CKAP5: variants seen among roughly 807,000 people sequenced by gnomAD.
CKAP5 encodes the protein cytoskeleton-associated protein 5.
A neutral mutation model predicts 232.8 loss-of-function variants in CKAP5; 27 were observed. That is an observed-to-expected ratio of 0.12 (90% CI 0.09 to 0.16). CKAP5 has a LOEUF of 0.16. CKAP5 is among the 10% of genes least tolerant of loss of function. The pLI is 1.00. For missense variants in CKAP5, 1,838 were observed against 2,424.7 expected (o/e 0.76, Z 5.08); for synonymous variants, 785 against 841.1 (o/e 0.93, Z 1.16).
chr11:46,761,830 A>G (rs1038037947), intron 32 of CKAP5, among the ~76,000 whole-genome samples, 170 bp downstream of exon 32: 2 of 152,220 alleles, frequency 1.3e-5, no homozygotes, highest in Admixed American at 1.3e-4. Flanking sequence ...AAAACAGCCT[A>G]ATCAGAGACA....
intron 3 of CKAP5, among the ~76,000 whole-genome samples, chr11:46,817,569 G>T (rs763867263): frequency 6.6e-6 from 1 of 152,172 alleles, no homozygotes; most frequent in East Asian, 1.9e-4. Context: ...GAAACCCAGT[G>T]ATGCCAGTTA....
chr11:46,753,099 G>A, intron 37 of CKAP5: 1 of 471,034 alleles, frequency 2.1e-6, no homozygotes, highest in South Asian at 4.6e-5. Flanking sequence ...TTTGGTCCAT[G>A]ATGAAGAAGA....
intron 28 of CKAP5, among the ~76,000 whole-genome samples, chr11:46,764,035 AAT>A (rs2134594512): frequency 6.6e-6 from 1 of 152,266 alleles, no homozygotes; most frequent in Non-Finnish European, 1.5e-5. Context: ...ATGAAGTCTC[AAT>A]ATGTTGTCCA....
At chr11:46,797,093 CTT>C (rs1938894924) in intron 11 of CKAP5, among the ~76,000 whole-genome samples, 153 bp from the exon 12 acceptor site, 1 of 152,142 alleles carries the variant, frequency 6.6e-6, no homozygotes, top group African/African-American at 2.4e-5. Context: ...GACAGTTACT[CTT>C]TCAAAAATTC....
At position 46,795,608 on chromosome 11, in the gene CKAP5, C is replaced by A; in HGVS notation, c.1636G>T (p.Ala546Ser). The change falls in exon 13 of 44, where the codon GCA becomes TCA. Residue 546 changes from alanine to serine, a missense_variant. Ala to Ser is a moderately conservative substitution (Grantham distance 99). Coordinates refer to ENST00000529230, the MANE Select transcript of CKAP5 (RefSeq NM_001008938.4). ...AATCTATTAACCTTAGCAGCAGGTGCCTTTTTTAGAGGTCCTGGTTTGGGT... is the reference window on the plus strand; with the variant it reads ...AATCTATTAACCTTAGCAGCAGGTGACTTTTTTAGAGGTCCTGGTTTGGGT... ...SAPKPGPLKK[A>S]PAAKAGGPPK... 1 of 1,612,868 alleles carries A rather than the reference C, an allele frequency of 6.2e-7. No individual in the cohort carries two copies. Among genetic ancestry groups the A allele is most frequent in the South Asian group, 1.1e-5 (1 of 90,916 alleles).
In CKAP5 at chr11:46,751,138, C is replaced by G; in HGVS notation, c.5440G>C (p.Glu1814Gln). 1.2e-6 allele frequency: 2 copies of G among 1,614,172 alleles called. No individual in the cohort carries two copies. Among genetic ancestry groups the G allele is most frequent in the South Asian group, 2.2e-5 (2 of 91,086 alleles). Reference protein sequence around the residue: ...QTGSKSDKETEKGASRIDEKS... With the variant: ...QTGSKSDKETQKGASRIDEKS... ...CTCACTATTCGAGATGCTCCCTTTT[C>G]TGTTTCCTTATCAGACTTGCTCCCA... The change falls in exon 40 of 44, where the codon GAA (glutamate) becomes CAA (glutamine). Residue 1814 changes from glutamate to glutamine, a missense_variant. Glu to Gln is a conservative substitution (Grantham distance 29). Transcript: ENST00000529230.
In CKAP5 at chr11:46,743,764, ACTGAGCAGAGAG is replaced by A. The variant is rs1250128948; in HGVS notation, c.*247_*258del. 2.1e-6 allele frequency: 1 copy of A among 483,286 alleles called. No individual in the cohort carries two copies. The highest frequency in any genetic ancestry group is 1.9e-5 in the African/African-American group (1 of 52,114). 29.9% of individuals were successfully genotyped at this position (483,286 alleles called of 1,614,324 possible). A position where few individuals can be genotyped will look rare whatever the true frequency, so the allele number is the denominator to read the frequency against. On this transcript the variant is annotated 3_prime_UTR_variant, in exon 44 of 44. Transcript: ENST00000529230. The stretch of plus-strand genomic sequence containing the variant: ...GAAAAGAAAAGGATCTGGGAACTAG[ACTGAGCAGAGAG>A]GGGGCAGCTGTTTACAAGTCTGTAC...
chr11:46,804,000 G>A (rs1939096203), intron 8 of CKAP5, among the ~76,000 whole-genome samples: 1 of 152,120 alleles, frequency 6.6e-6, no homozygotes, highest in Non-Finnish European at 1.5e-5. Context: ...CAATGAATCT[G>A]GGATGAAATT....
At position 46,770,056 on chromosome 11, in the gene CKAP5, T is replaced by C. The variant is rs1302853163; in HGVS notation, c.3229A>G (p.Lys1077Glu). The change falls in exon 26 of 44, where the codon AAA (lysine) becomes GAA (glutamate). Residue 1077 changes from lysine to glutamate, a missense_variant. Lys to Glu is a moderately conservative substitution (Grantham distance 56). This residue lies in a region of CKAP5 where 767 missense variants were observed against 954.6 expected (regional missense o/e 0.80). Transcript: ENST00000529230. ...GCAGGCTTGGCTGGCATGTTAACTT[T>C]GGCTTTCTCTAGCATGGCCAATACC... Reference protein sequence around the residue: ...DQVLAMLEKAKVNMPAKPAPP... With the variant: ...DQVLAMLEKAEVNMPAKPAPP... 6.2e-7 allele frequency: 1 copy of C among 1,614,158 alleles called. No homozygotes were observed. The highest frequency in any genetic ancestry group is 2.2e-5 in the East Asian group (1 of 44,888).
chr11:46,826,807 A>G, intron 1 of CKAP5: 1 of 154,894 alleles, frequency 6.5e-6, no homozygotes, highest in Non-Finnish European at 1.4e-5. Flanking sequence ...TCCGAGCAGG[A>G]TCAGCAGGAA....
chr11:46,747,353 G>A (rs1209268099), intron 42 of CKAP5, among the ~76,000 whole-genome samples: 2 of 152,158 alleles, frequency 1.3e-5, no homozygotes, highest in Non-Finnish European at 2.9e-5. Flanking sequence ...ATGCCTGGGA[G>A]TACTTTGGGA....
intron 1 of CKAP5, among the ~76,000 whole-genome samples, chr11:46,835,644 C>T (rs886285577): frequency 5.9e-5 from 9 of 152,130 alleles, no homozygotes; most frequent in African/African-American, 1.7e-4. Flanking sequence ...CTCACACATA[C>T]ACACTAGTCC....
chr11:46,820,430 T>C (rs1276350955), intron 2 of CKAP5, among the ~76,000 whole-genome samples: 1 of 152,190 alleles, frequency 6.6e-6, no homozygotes, highest in Non-Finnish European at 1.5e-5. Context: ...TAAGTTAGTA[T>C]ATTTTATTCA....
rs1592493998 is a variant in CKAP5, at chr11:46,839,035, A to G, written c.-38+7185T>C. Among the ~76,000 whole-genome samples, 4 of 152,230 alleles carry G rather than the reference A, an allele frequency of 2.6e-5. No homozygotes were observed. The South Asian group carries it at 6.2e-4, about 24-fold the overall frequency. ...TGTTGAGTCACTGAGGTAACCTCAA[A>G]GGAAAAAAAAAATCTATGTTCTGCT... On this transcript the variant is annotated intron_variant, in intron 1 of 43. Transcript: ENST00000529230.
intron 1 of CKAP5, among the ~76,000 whole-genome samples, chr11:46,843,946 T>G (rs1940118930): frequency 6.6e-6 from 1 of 151,822 alleles, no homozygotes; most frequent in African/African-American, 2.4e-5. Flanking sequence ...GTTAGCCAGG[T>G]GTGGTGGCTC....
rs376402034 is a variant in CKAP5 at position 46,778,469 on chromosome 11, G to A, written c.2564C>T (p.Thr855Met). The change falls in exon 21 of 44, where the codon ACG becomes ATG. Residue 855 changes from threonine to methionine, a missense_variant. By Grantham distance (81) the Thr-to-Met change is moderately conservative. This residue lies in a region of CKAP5 where 767 missense variants were observed against 954.6 expected (regional missense o/e 0.80). Coordinates refer to ENST00000529230, the MANE Select transcript of CKAP5 (RefSeq NM_001008938.4). ...SNDVVDLLPR[T>M]EISDKITSEL... ...ACAGACTGGAACCTACCTGATCTCC[G>A]TCCTCGGCAAAAGATCAACGACATC... The A allele has an allele frequency of 1.2e-5, 20 of 1,614,056 alleles. No individual in the cohort carries two copies. In the Middle Eastern group the frequency reaches 5.0e-4, roughly 40 times the overall value.
intron 2 of CKAP5, among the ~76,000 whole-genome samples, chr11:46,820,034 A>G (rs1266533741): frequency 6.6e-6 from 1 of 152,168 alleles, no homozygotes; most frequent in Admixed American, 6.5e-5. Context: ...CACGAGATTG[A>G]AAAACTCTTA....
chr11:46,809,406 G>C lies in CKAP5; in HGVS notation c.858C>G (p.Asp286Glu). The change falls in exon 7 of 44, where the codon GAC becomes GAG. Residue 286 changes from aspartate to glutamate, a missense_variant. Physicochemically the swap from Asp to Glu is conservative, Grantham distance 45. This residue lies in a region of CKAP5 where 97 missense variants were observed against 167.7 expected (regional missense o/e 0.58). Coordinates refer to ENST00000529230, the MANE Select transcript of CKAP5 (RefSeq NM_001008938.4). ...AAGTTTAACTATTACTTACAATTTT[G>C]TCATAAAAGTCTTTGGGAAGTTTGG... ...ILSKLPKDFY[D>E]KIEAKKWQER... 6.3e-7 allele frequency: 1 copy of C among 1,580,932 alleles called. No individual in the cohort carries two copies. The highest frequency in any genetic ancestry group is 1.1e-5 in the South Asian group (1 of 88,560).
At chr11:46,828,208 T>C (rs1396441876) in intron 1 of CKAP5, among the ~76,000 whole-genome samples, 1 of 146,102 alleles carries the variant, frequency 6.8e-6, no homozygotes, top group Admixed American at 7.2e-5. Context: ...CTGAAGGTTT[T>C]AGAGAACCCT....
Sources: allele counts gnomAD v4.1 joint callset (sites outside exome capture counted in the v4.1 genomes callset), GRCh38; gene constraint gnomAD v4.1.1; regional missense constraint gnomAD v4.1.1; transcripts MANE v1.5; gene names NCBI Gene and HGNC (gene_info 2026-07-23, HGNC 2026-07-21).